The following MYH15 variants were observed in gnomAD, a reference collection of about 807,000 sequenced individuals.
MYH15 encodes myosin-15.
MYH15 carries 227 observed loss-of-function variants against 240.5 expected under a neutral mutation model. The ratio of observed to expected loss-of-function variants is 0.94; its 90% CI spans 0.85 to 1.05. The LOEUF (loss-of-function observed/expected upper bound fraction) is 1.05, where lower values mean the gene tolerates loss of function less well. Among genes scored for constraint, MYH15 ranks in the 50% least tolerant of loss-of-function variants. The pLI, the probability that MYH15 is intolerant of heterozygous loss-of-function variation, is 0.00. For missense variants in MYH15, 2,217 were observed against 2,247.5 expected (o/e 0.99, Z 0.27); for synonymous variants, 785 against 796.7 (o/e 0.99, Z 0.25).
At chr3:108,547,093 A>T in the MYH15 span, among the ~76,000 whole-genome samples, 2 of 151,990 alleles carry the variant, frequency 1.3e-5, no homozygotes, top group East Asian at 1.9e-4. Context: ...ATATATATAT[A>T]TATGTCTGAG....
chr3:108,423,330 C>T (rs1274922703), intron 27 of MYH15, among the ~76,000 whole-genome samples: 1 of 152,178 alleles, frequency 6.6e-6, no homozygotes, highest in Non-Finnish European at 1.5e-5. Flanking sequence ...CTTCTTATAT[C>T]TCCAATGCAG....
rs369984028 is a variant in MYH15, at chr3:108,492,110, A to G, written c.871+390T>C. On this transcript the variant is annotated intron_variant, in intron 9 of 40. Coordinates refer to ENST00000693548, the MANE Select transcript of MYH15 (RefSeq NM_014981.3). ...GAAAAAAGAGAGAAAACTCCCATTG[A>G]CCACCACACACTATGATGCTATTTC... Among the ~76,000 whole-genome samples the G allele has an allele frequency of 2.6e-5, 4 of 151,926 alleles. No homozygotes were observed. The East Asian group carries it at 7.8e-4, about 30-fold the overall frequency.
intron 29 of MYH15, among the ~76,000 whole-genome samples, 200 bp downstream of exon 29, chr3:108,416,612 C>T (rs548686465): frequency 2.8e-4 from 42 of 152,278 alleles, no homozygotes; most frequent in African/African-American, 9.4e-4. Flanking sequence ...TTGCTCTAAA[C>T]CTGCAACGAA....
rs373858705 is a variant in MYH15 at position 108,441,077 on chromosome 3, C to G, written c.2839G>C (p.Asp947His). The stretch of plus-strand genomic sequence containing the variant: ...TTCACCAACATTGTTTCCAGGTCAT[C>G]GATTTCTTTCTTCAACTCAAAACAT... ...DECFELKKEI[D>H]DLETMLVKSE... The change falls in exon 23 of 41, where the codon GAT (aspartate) becomes CAT (histidine). Residue 947 changes from aspartate (D) to histidine (H), a missense_variant. Coordinates refer to ENST00000693548, the MANE Select transcript of MYH15 (RefSeq NM_014981.3). 1 of 1,614,164 alleles carries G rather than the reference C, an allele frequency of 6.2e-7. No homozygotes were observed. The highest frequency in any genetic ancestry group is 1.1e-5 in the South Asian group (1 of 91,080).
chr3:108,501,916 C>T, intron 2 of MYH15, 61 bp from the exon 3 acceptor site: 1 of 1,527,876 alleles, frequency 6.5e-7, no homozygotes, highest in South Asian at 1.2e-5. Context: ...TTCATTTTCC[C>T]ATGAATTAGA....
At chr3:108,455,560 T>C (rs542407884) in intron 20 of MYH15, among the ~76,000 whole-genome samples, 176 bp downstream of exon 20, 10 of 152,322 alleles carry the variant, frequency 6.6e-5, no homozygotes, top group African/African-American at 2.4e-4. Context: ...TTAAAAAACA[T>C]TGAATATTTT....
At chr3:108,507,566 C>G (rs1217305669) in intron 1 of MYH15, among the ~76,000 whole-genome samples, 1 of 152,020 alleles carries the variant, frequency 6.6e-6, no homozygotes, top group African/African-American at 2.4e-5. Context: ...GGAGTGTGTA[C>G]AAAGGAGCTG....
At position 108,394,154 on chromosome 3, in the gene MYH15, GT is replaced by G. The variant is rs763310705; in HGVS notation, c.5135del (p.Asn1712ThrfsTer50). ...TCTTCTTCTGGCTGAGGAGGCTTGTGTTCTAAAGAAAAGCAGCATTCCTATT... is the reference window on the plus strand; with the variant it reads ...TCTTCTTCTGGCTGAGGAGGCTTGTGTCTAAAGAAAAGCAGCATTCCTATT... The part of the protein sequence containing the change: ...TERINLFYTQ[N>X]TSLLSQKKKL... On this transcript the variant is annotated frameshift_variant and splice_region_variant, in exon 36 of 41. Coordinates refer to ENST00000693548, the MANE Select transcript of MYH15 (RefSeq NM_014981.3). LOFTEE classifies it high-confidence loss of function. The G allele has an allele frequency of 1.1e-4, 180 of 1,613,820 alleles. 1 individual carries two copies. Among genetic ancestry groups the G allele is most frequent in the Non-Finnish European group, 1.4e-4 (166 of 1,179,928 alleles).
chr3:108,381,488 A>G lies in MYH15; in HGVS notation c.*57T>C. ...TTCCATGCAACCTAAGTTTTTGGCC[A>G]TGAAACAGCACCTTCCTTGTACTTC... On this transcript the variant is annotated 3_prime_UTR_variant, in exon 41 of 41. Transcript: ENST00000693548. 1 of 1,601,046 alleles carries G rather than the reference A, an allele frequency of 6.2e-7. No homozygotes were observed. The highest frequency in any genetic ancestry group is 8.6e-7 in the Non-Finnish European group (1 of 1,168,354).
chr3:108,534,313 C>T (rs2083732274), upstream of MYH15, among the ~76,000 whole-genome samples: 1 of 152,120 alleles, frequency 6.6e-6, no homozygotes, highest in South Asian at 2.1e-4. Flanking sequence ...TTAGACCAGC[C>T]TATTTGATAG....
chr3:108,390,884 G>C (rs1016762927), intron 37 of MYH15, among the ~76,000 whole-genome samples: 3 of 152,102 alleles, frequency 2.0e-5, no homozygotes, highest in African/African-American at 7.2e-5. Flanking sequence ...GGGTCCAACT[G>C]TCATCTCTGT....
Position 108,399,105 on chromosome 3 carries a change from T to C in MYH15, c.4899A>G (p.Lys1633=), listed in dbSNP as rs769494268. The C allele has an allele frequency of 6.8e-6, 11 of 1,614,026 alleles. No homozygotes were observed. In the Admixed American group the frequency reaches 1.7e-4, roughly 24 times the overall value. Residue 1633 remains lysine, a synonymous_variant, in exon 34 of 41, where the codon AAA becomes AAG. Coordinates refer to ENST00000693548, the MANE Select transcript of MYH15 (RefSeq NM_014981.3). ...CANRQVSEAT[K]SLGQLQIQIK... ...TTTGAATCTGAAGCTGGCCCAGGGATTTGGTTGCTTCTGACACCTGCCGGT... is the reference window on the plus strand; with the variant it reads ...TTTGAATCTGAAGCTGGCCCAGGGACTTGGTTGCTTCTGACACCTGCCGGT...
chr3:108,505,908 A>G, intron 1 of MYH15, 79 bp from the exon 2 acceptor site: 1 of 855,488 alleles, frequency 1.2e-6, no homozygotes, highest in Non-Finnish European at 1.8e-6. Context: ...TCATACTGAT[A>G]GATCTAATCT....
At position 108,439,718 on chromosome 3, in the gene MYH15, C is replaced by T; in HGVS notation, c.3075+19G>A. 2 of 1,536,734 alleles carry T rather than the reference C, an allele frequency of 1.3e-6. No homozygotes were observed. The highest frequency in any genetic ancestry group is 1.7e-4 in the Middle Eastern group (1 of 5,722). ...ATATGTAGACAGATAGATAACTAAC[C>T]AGATACACCGTTACTGACCTCATCA... On this transcript the variant is annotated intron_variant, in intron 24 of 40. Coordinates refer to ENST00000693548, the MANE Select transcript of MYH15 (RefSeq NM_014981.3).
chr3:108,532,275 G>A (rs1290141471), upstream of MYH15, among the ~76,000 whole-genome samples: 2 of 151,900 alleles, frequency 1.3e-5, no homozygotes, highest in Admixed American at 1.3e-4. Flanking sequence ...GGTAAACTGA[G>A]CAAAGCAGAT....
intron 9 of MYH15, among the ~76,000 whole-genome samples, chr3:108,490,975 C>T (rs746744460): frequency 6.6e-6 from 1 of 152,072 alleles, no homozygotes; most frequent in African/African-American, 2.4e-5. Flanking sequence ...GCAACCTCCG[C>T]CTCCTGGGTT....
chr3:108,546,719 G>A, the MYH15 span, among the ~76,000 whole-genome samples: 1 of 152,048 alleles, frequency 6.6e-6, no homozygotes, highest in East Asian at 1.9e-4. Flanking sequence ...GATACTTGTA[G>A]CTCAATGTGC....
intron 27 of MYH15, among the ~76,000 whole-genome samples, chr3:108,421,612 T>C (rs1337086486): frequency 6.6e-6 from 1 of 152,204 alleles, no homozygotes; most frequent in African/African-American, 2.4e-5. Context: ...TTTAAAGATA[T>C]ACCCCCTATT....
rs2082362906 is a variant in MYH15, at chr3:108,383,815, A to ATTCACATT, written c.5632-87_5632-86insAATGTGAA. The ATTCACATT allele has an allele frequency of 5.6e-5, 60 of 1,078,912 alleles. No individual in the cohort carries two copies. In the East Asian group the frequency reaches 1.5e-3, roughly 28 times the overall value. The allele number at this position is 1,078,912 out of a possible 1,614,324, so 66.8% of individuals were successfully genotyped here. ...TTTCTGCTCTGACATGAGAAAGTTG[A>ATTCACATT]ATAATGTGAAAAGAATCTAAACTTC... On this transcript the variant is annotated intron_variant, in intron 39 of 40. Coordinates refer to ENST00000693548, the MANE Select transcript of MYH15 (RefSeq NM_014981.3).
Sources: gnomAD v4.1 joint callset for allele counts (sites outside exome capture counted in the v4.1 genomes callset) on GRCh38, gnomAD v4.1.1 for gene constraint, MANE v1.5 for transcripts, NCBI Gene and HGNC (gene_info 2026-07-23, HGNC 2026-07-21) for gene names.